CPNE7: variants seen among roughly 807,000 people sequenced by gnomAD.
CPNE7 encodes the protein copine 7, also known as copine-7.
Under a neutral mutation model 66.5 loss-of-function variants are expected in CPNE7, and 78 were observed. The observed-to-expected ratio is 1.17, with a 90% CI of 0.98 to 1.42. CPNE7 has a LOEUF of 1.42. CPNE7 is among the 40% of genes most tolerant of loss of function. The pLI is 0.00. For synonymous variants in CPNE7, 468 were observed against 336.7 expected (o/e 1.39, Z -4.27); for missense variants, 1,012 against 776.6 (o/e 1.30, Z -3.60).
chr16:89,585,442 G>A (rs765963611), intron 5 of CPNE7, 22 bp from the exon 6 acceptor site: 1 of 1,591,212 alleles, frequency 6.3e-7, no homozygotes, highest in East Asian at 2.3e-5. Flanking sequence ...CCTCCCCTGA[G>A]CCAGCCCCTC....
intron 7 of CPNE7, 34 bp downstream of exon 7, chr16:89,585,819 G>A: frequency 9.9e-7 from 1 of 1,011,178 alleles, no homozygotes; most frequent in Non-Finnish European, 1.4e-6. Flanking sequence ...CCTCCAGGGA[G>A]GGTCAGGTGG....
Position 89,588,588 on chromosome 16 carries a change from C to T in CPNE7, c.928-87C>T, listed in dbSNP as rs756799432. 1.5e-4 allele frequency: 231 copies of T among 1,552,960 alleles called. 1 individual carries two copies. The highest frequency in any genetic ancestry group is 8.2e-4 in the Middle Eastern group (4 of 4,858). ...CGCGACCCCTGACCCTGAGTCCTGG[C>T]CACTCTGGGCGTGGTTTCTCTACCT... On this transcript the variant is annotated intron_variant, in intron 9 of 14. Transcript: ENST00000319518.
rs569594957 is a variant in CPNE7 at position 89,583,665 on chromosome 16, G to A, written c.358-32G>A. On this transcript the variant is annotated intron_variant, in intron 2 of 14. Coordinates refer to ENST00000319518, the MANE Select transcript of CPNE7 (RefSeq NM_153636.3). ...CCAGGGTCAGGAGCCGTCCCCGCCT[G>A]CCCCTCCCTGCCTGACGCCTCTGAC... is the stretch of plus-strand genomic sequence containing the variant. 3.1e-6 allele frequency: 5 copies of A among 1,612,210 alleles called. No homozygotes were observed. The South Asian group carries it at 4.4e-5, about 14-fold the overall frequency.
intron 1 of CPNE7, among the ~76,000 whole-genome samples, chr16:89,577,268 G>A (rs72805550): frequency 0.24 from 36,880 of 152,016 alleles, 5,909 homozygotes; most frequent in Middle Eastern, 0.37. Flanking sequence ...ATCTGATCTC[G>A]CCCCCGACTC....
Position 89,585,520 on chromosome 16 carries a change from C to T in CPNE7, c.648C>T (p.Ser216=), listed in dbSNP as rs753651651. Residue 216 remains serine, a synonymous_variant, in exon 6 of 15, where the codon TCC becomes TCT. Transcript: ENST00000319518. ...VWEAFKVSLS[S]LCSCEETRPL... ...AGGCCTTCAAAGTCTCTCTGAGTTC[C>T]CTCTGCAGCTGCGAGGAGACAAGGC... 1.3e-5 allele frequency: 21 copies of T among 1,612,222 alleles called. No individual in the cohort carries two copies. The highest frequency in any genetic ancestry group is 1.7e-4 in the Middle Eastern group (1 of 6,054).
chr16:89,576,189 G>C (rs2058856374), intron 1 of CPNE7, 118 bp downstream of exon 1: 1 of 850,322 alleles, frequency 1.2e-6, no homozygotes, highest in South Asian at 5.5e-5. Flanking sequence ...GGGCCCCCCG[G>C]AGCTGGGGCT....
At chr16:89,583,443 G>T (rs2058985643) in intron 2 of CPNE7, 1 of 1,550,368 alleles carries the variant, frequency 6.5e-7, no homozygotes, top group Middle Eastern at 1.7e-4. Flanking sequence ...CTGGTAAATA[G>T]GTATGATGAC....
At position 89,583,552 on chromosome 16, in the gene CPNE7, G is replaced by A. The variant is rs777434423; in HGVS notation, c.358-145G>A. ...AGGTGCTTGAGAGCAGCCACAAAGG[G>A]GGCGCGGGCCCTGGGCAGTGAAGCT... On this transcript the variant is annotated intron_variant, in intron 2 of 14. Transcript: ENST00000319518. 1.9e-6 allele frequency: 3 copies of A among 1,585,962 alleles called. No homozygotes were observed. In the South Asian group the frequency reaches 3.4e-5, roughly 18 times the overall value.
Position 89,588,734 on chromosome 16 carries a change from C to G in CPNE7, c.987C>G (p.Tyr329Ter). ...CGCGGAACAGCTGCTCCCTGCACTA[C>G]ATCAACCCCTACCAGCCGAACGAGT... ...GDPRNSCSLH[Y>*]INPYQPNEYL... is the part of the protein sequence containing the mutation. Residue 329 changes from tyrosine (Y) to a stop codon, truncating the protein, a stop_gained, in exon 10 of 15, where the codon TAC (tyrosine) becomes TAG (stop). Transcript: ENST00000319518. LOFTEE classifies it high-confidence loss of function. The G allele has an allele frequency of 1.2e-6, 2 of 1,613,694 alleles. No homozygotes were observed. The highest frequency in any genetic ancestry group is 1.7e-6 in the Non-Finnish European group (2 of 1,179,974).
At chr16:89,594,474 G>A (rs1039690290) in intron 13 of CPNE7, among the ~76,000 whole-genome samples, 2 of 152,024 alleles carry the variant, frequency 1.3e-5, no homozygotes, top group Non-Finnish European at 2.9e-5. Flanking sequence ...TCAGTGGGAC[G>A]GGCTCAGTCA....
intron 2 of CPNE7, among the ~76,000 whole-genome samples, chr16:89,581,364 C>T (rs529710879): frequency 5.7e-4 from 86 of 152,120 alleles, no homozygotes; most frequent in African/African-American, 1.9e-3. Context: ...ACCCATCACA[C>T]GGAACATCCC....
chr16:89,594,103 C>G (rs602001), intron 13 of CPNE7: 33,459 of 152,044 alleles, frequency 0.22, 3,943 homozygotes, highest in East Asian at 0.37. Context: ...ACATGATCAG[C>G]TGAGCCCTCG....
intron 9 of CPNE7, chr16:89,587,443 C>T (rs2059072440): frequency 9.9e-6 from 4 of 404,242 alleles, no homozygotes; most frequent in Non-Finnish European, 2.0e-5. Context: ...TCCTGGGGGT[C>T]CTCCCTTTTG....
chr16:89,586,963 C>T (rs568332589), intron 8 of CPNE7, 80 bp from the exon 9 acceptor site: 327 of 1,410,956 alleles, frequency 2.3e-4, no homozygotes, highest in Middle Eastern at 1.5e-3. Flanking sequence ...GGGCTGCCTG[C>T]GGGAGGCAGG....
intron 2 of CPNE7, among the ~76,000 whole-genome samples, chr16:89,581,424 C>T (rs181817626): frequency 7.5e-4 from 115 of 152,342 alleles, no homozygotes; most frequent in East Asian, 1.5e-3. Flanking sequence ...CCGCCTGGTT[C>T]GTCTCTTCTG....
chr16:89,590,036 T>G, intron 11 of CPNE7, 85 bp downstream of exon 11: 4 of 1,465,442 alleles, frequency 2.7e-6, no homozygotes, highest in Non-Finnish European at 2.8e-6. Flanking sequence ...CAGGGAGCCC[T>G]GGCTGCCTGC....
intron 11 of CPNE7, 24 bp from the exon 12 acceptor site, chr16:89,590,983 C>T: frequency 6.2e-7 from 1 of 1,613,356 alleles, no homozygotes; most frequent in Non-Finnish European, 8.5e-7. Context: ...GAGCAGCTGA[C>T]TGAGCCCTCT....
intron 10 of CPNE7, among the ~76,000 whole-genome samples, chr16:89,589,665 C>T (rs949023210): frequency 1.6e-4 from 24 of 152,168 alleles, no homozygotes; most frequent in African/African-American, 5.6e-4. Flanking sequence ...TGTACACAAA[C>T]GTGGAGTTGG....
chr16:89,589,359 A>G (rs1386211516), intron 10 of CPNE7, among the ~76,000 whole-genome samples: 1 of 152,192 alleles, frequency 6.6e-6, no homozygotes, highest in East Asian at 1.9e-4. Context: ...GACTCTGCAC[A>G]TGGTCCTGGG....
Sources: gnomAD v4.1 joint callset for allele counts (sites outside exome capture counted in the v4.1 genomes callset) on GRCh38, gnomAD v4.1.1 for gene constraint, MANE v1.5 for transcripts, NCBI Gene and HGNC (gene_info 2026-07-23, HGNC 2026-07-21) for gene names.